The following TENM3 variants were observed in gnomAD, a reference collection of about 807,000 sequenced individuals.
TENM3 encodes the protein teneurin transmembrane protein 3.
In TENM3, 63 loss-of-function variants were observed where a neutral mutation model predicts 255.1. The observed-to-expected ratio is 0.25, with a 90% CI of 0.20 to 0.30. The LOEUF is 0.30. Among genes scored for constraint, TENM3 ranks in the 10% least tolerant of loss-of-function variants. The probability of loss-of-function intolerance (pLI) is 1.00; values close to 1 mark genes in which losing one functional copy is unlikely to be tolerated. For missense variants in TENM3, 2,929 were observed against 3,461.1 expected, an observed-to-expected ratio of 0.85 and a Z score of 3.86; for synonymous variants, 1,306 against 1,322.3, an observed-to-expected ratio of 0.99 and a Z score of 0.27.
the TENM3 span, among the ~76,000 whole-genome samples, chr4:181,784,431 T>A: frequency 7.9e-5 from 12 of 152,114 alleles, no homozygotes; most frequent in Admixed American, 7.9e-4. Context: ...TAAAAATATA[T>A]TATTGGATTT....
At chr4:181,947,005 A>T in the TENM3 span, among the ~76,000 whole-genome samples, 1 of 152,198 alleles carries the variant, frequency 6.6e-6, no homozygotes, top group Non-Finnish European at 1.5e-5. Flanking sequence ...CGTGTTTGTG[A>T]CTTAGGAAAA....
At chr4:181,836,504 A>T in the TENM3 span, among the ~76,000 whole-genome samples, 1 of 152,180 alleles carries the variant, frequency 6.6e-6, no homozygotes, top group African/African-American at 2.4e-5. Flanking sequence ...CTTTTTTCAT[A>T]TGAATGACTG....
chr4:182,552,409 GTAC>G (rs1742140405), intron 3 of TENM3, among the ~76,000 whole-genome samples: 1 of 152,306 alleles, frequency 6.6e-6, no homozygotes, highest in South Asian at 2.1e-4. Context: ...CTGCAAAGAT[GTAC>G]AAGACTTTGT....
chr4:181,670,428 A>G, the TENM3 span, among the ~76,000 whole-genome samples: 1 of 152,216 alleles, frequency 6.6e-6, no homozygotes, highest in African/African-American at 2.4e-5. Flanking sequence ...TCTACAGCAC[A>G]ATTTAAGAAC....
At chr4:181,789,650 T>C in the TENM3 span, among the ~76,000 whole-genome samples, 6 of 152,046 alleles carry the variant, frequency 3.9e-5, 1 homozygote, top group Admixed American at 3.3e-4. Context: ...CAAGCAGTTA[T>C]AGGATTTCAG....
At chr4:182,708,980 T>G (rs186739935) in intron 12 of TENM3, among the ~76,000 whole-genome samples, 81 of 151,534 alleles carry the variant, frequency 5.3e-4, no homozygotes, top group Non-Finnish European at 7.2e-4. Flanking sequence ...TTTTTTTTTG[T>G]TTTTTGTGGT....
At chr4:181,681,687 G>T in the TENM3 span, among the ~76,000 whole-genome samples, 1 of 152,058 alleles carries the variant, frequency 6.6e-6, no homozygotes, top group Non-Finnish European at 1.5e-5. Flanking sequence ...TCAAGTAAAT[G>T]CTTTCCATCT....
chr4:182,759,316 G>T (rs1579374558), intron 22 of TENM3, among the ~76,000 whole-genome samples: 1 of 152,196 alleles, frequency 6.6e-6, no homozygotes, highest in East Asian at 1.9e-4. Context: ...ATAAATCAGA[G>T]ATGTAGACAG....
At chr4:181,883,801 A>G in the TENM3 span, among the ~76,000 whole-genome samples, 1 of 152,210 alleles carries the variant, frequency 6.6e-6, no homozygotes, top group African/African-American at 2.4e-5. Flanking sequence ...CAGTGAAATA[A>G]TAAACTATAA....
chr4:181,759,591 A>C, the TENM3 span, among the ~76,000 whole-genome samples: 1 of 152,184 alleles, frequency 6.6e-6, no homozygotes, highest in Non-Finnish European at 1.5e-5. Context: ...TAGCCATAGA[A>C]TACATAATGC....
upstream of TENM3, among the ~76,000 whole-genome samples, chr4:182,139,439 C>T (rs185890786): frequency 3.5e-4 from 54 of 152,188 alleles, no homozygotes; most frequent in Admixed American, 2.6e-4. Flanking sequence ...TAAGCTGGAC[C>T]CTGAAATATC....
the TENM3 span, among the ~76,000 whole-genome samples, chr4:182,004,409 A>G: frequency 3.6e-4 from 55 of 152,208 alleles, 1 homozygote; most frequent in African/African-American, 1.2e-3. Flanking sequence ...ATTCCTTTTC[A>G]TGGCTGCATA....
At chr4:182,744,049 A>G (rs1028907218) in intron 19 of TENM3, 67 of 766,028 alleles carry the variant, frequency 8.7e-5, no homozygotes, top group Non-Finnish European at 1.0e-4. Flanking sequence ...AAAATCTCAG[A>G]ATTCAACTCA....
intron 19 of TENM3, among the ~76,000 whole-genome samples, chr4:182,751,535 G>A (rs990715017): frequency 2.6e-5 from 4 of 152,140 alleles, no homozygotes; most frequent in Admixed American, 6.5e-5. Flanking sequence ...GCCTTTTAAA[G>A]GTAATATTTT....
intron 3 of TENM3, among the ~76,000 whole-genome samples, chr4:182,421,352 T>C (rs1770821921): frequency 6.6e-6 from 1 of 152,188 alleles, no homozygotes; most frequent in Admixed American, 6.5e-5. Context: ...AGTAAGCTAA[T>C]GGCCAAGAGA....
chr4:181,604,612 A>C, the TENM3 span, among the ~76,000 whole-genome samples: 1 of 152,190 alleles, frequency 6.6e-6, no homozygotes, highest in South Asian at 2.1e-4. Flanking sequence ...CCCACGCCAG[A>C]GTGTGGCCAT....
chr4:182,090,385 A>T, the TENM3 span, among the ~76,000 whole-genome samples: 1 of 152,174 alleles, frequency 6.6e-6, no homozygotes, highest in East Asian at 1.9e-4. Context: ...TCCATTAGTG[A>T]CCAGGAACAA....
chr4:182,542,136 T>C (rs957651825), intron 3 of TENM3, among the ~76,000 whole-genome samples: 1 of 152,200 alleles, frequency 6.6e-6, no homozygotes, highest in African/African-American at 2.4e-5. Flanking sequence ...TTGAAGGTTA[T>C]GATACCAAAG....
chr4:182,169,313 A>G, intron 1 of TENM3: 1 of 480,052 alleles, frequency 2.1e-6, no homozygotes, highest in Non-Finnish European at 4.4e-6. Flanking sequence ...TGTTTCTACC[A>G]TTAGTTTTGA....
Sources: allele counts gnomAD v4.1 joint callset (sites outside exome capture counted in the v4.1 genomes callset), GRCh38; gene constraint gnomAD v4.1.1; transcripts MANE v1.5; gene names NCBI Gene and HGNC (gene_info 2026-07-23, HGNC 2026-07-21).